KCTD16: variants seen among roughly 807,000 people sequenced by gnomAD.
KCTD16 encodes BTB/POZ domain-containing protein KCTD16.
In KCTD16, 13 loss-of-function variants were observed where a neutral mutation model predicts 33.2. The ratio of observed to expected loss-of-function variants is 0.39; its 90% CI spans 0.25 to 0.62. KCTD16 has a LOEUF of 0.62. KCTD16 is among the 20% of genes least tolerant of loss of function. The pLI, the probability that KCTD16 is intolerant of heterozygous loss-of-function variation, is 0.50. For missense variants in KCTD16, 441 were observed against 525.1 expected (o/e 0.84, Z 1.57); for synonymous variants, 197 against 195.3 (o/e 1.01, Z -0.07).
chr5:144,420,208 A>G (rs1753177582), intron 3 of KCTD16, among the ~76,000 whole-genome samples: 2 of 152,086 alleles, frequency 1.3e-5, no homozygotes, highest in South Asian at 4.2e-4. Context: ...TCTGTGCGTT[A>G]TAGGATAACT....
intron 3 of KCTD16, among the ~76,000 whole-genome samples, chr5:144,226,954 G>A (rs1290183930): frequency 4.6e-5 from 7 of 152,248 alleles, no homozygotes; most frequent in Middle Eastern, 3.4e-3. Flanking sequence ...AGGGTTTTAT[G>A]CATTATTAAT....
chr5:144,336,838 A>G (rs892629005), intron 3 of KCTD16, among the ~76,000 whole-genome samples: 2 of 151,950 alleles, frequency 1.3e-5, no homozygotes, highest in Non-Finnish European at 2.9e-5. Context: ...AAACCCACAC[A>G]TACTCCTACA....
chr5:144,347,796 A>G (rs1752845151), intron 3 of KCTD16, among the ~76,000 whole-genome samples: 1 of 152,090 alleles, frequency 6.6e-6, no homozygotes. Flanking sequence ...TGGGATGGCA[A>G]ACTTTCTCAT....
At chr5:144,299,134 ATATATATATATATATTTTTT>A (rs1561558727) in intron 3 of KCTD16, among the ~76,000 whole-genome samples, 5 of 29,786 alleles carry the variant, frequency 1.7e-4, no homozygotes, top group African/African-American at 1.1e-3. Context: ...ATATATATAT[ATATATATATATATATTTTTT>A]TTTTTTTTTT....
intron 3 of KCTD16, among the ~76,000 whole-genome samples, chr5:144,467,144 T>TTAAA (rs1391669011): frequency 6.8e-6 from 1 of 147,124 alleles, no homozygotes; most frequent in African/African-American, 2.5e-5. Context: ...GTAAAACACT[T>TTAAA]TAAAAGTTCT....
intron 3 of KCTD16, among the ~76,000 whole-genome samples, chr5:144,412,051 G>A (rs1480204994): frequency 6.6e-6 from 1 of 152,290 alleles, no homozygotes; most frequent in East Asian, 1.9e-4. Flanking sequence ...TGTGGGGAAA[G>A]GTGAATGCTT....
chr5:144,359,941 A>G (rs1277149368), intron 3 of KCTD16, among the ~76,000 whole-genome samples: 2 of 152,070 alleles, frequency 1.3e-5, no homozygotes, highest in African/African-American at 4.8e-5. Context: ...CAAATTCCTC[A>G]AAGGTGACAA....
chr5:144,408,248 C>G (rs887731349), intron 3 of KCTD16, among the ~76,000 whole-genome samples: 2 of 152,168 alleles, frequency 1.3e-5, no homozygotes, highest in Non-Finnish European at 2.9e-5. Flanking sequence ...AAGCCAGGAG[C>G]AGAAGGACTG....
intron 3 of KCTD16, among the ~76,000 whole-genome samples, chr5:144,278,311 T>C (rs542955231): frequency 6.6e-6 from 1 of 152,092 alleles, no homozygotes; most frequent in Non-Finnish European, 1.5e-5. Context: ...CAAAAAAATT[T>C]GTGTGTGTCT....
intron 3 of KCTD16, among the ~76,000 whole-genome samples, chr5:144,321,400 G>A (rs1262951200): frequency 3.3e-5 from 5 of 152,084 alleles, no homozygotes; most frequent in African/African-American, 1.2e-4. Context: ...AGCTCCCCAG[G>A]CAATTCTTAT....
chr5:144,190,242 A>G (rs1291114825), intron 2 of KCTD16, among the ~76,000 whole-genome samples: 1 of 152,116 alleles, frequency 6.6e-6, no homozygotes, highest in East Asian at 1.9e-4. Context: ...TCCATGACTT[A>G]TTTATCTCTG....
intron 3 of KCTD16, among the ~76,000 whole-genome samples, chr5:144,275,931 G>A (rs913855600): frequency 2.6e-5 from 4 of 152,088 alleles, no homozygotes; most frequent in Admixed American, 2.0e-4. Flanking sequence ...GACAAGGTTG[G>A]GTATTCTATC....
At chr5:144,404,827 A>G (rs1354799681) in intron 3 of KCTD16, among the ~76,000 whole-genome samples, 1 of 152,170 alleles carries the variant, frequency 6.6e-6, no homozygotes, top group Non-Finnish European at 1.5e-5. Context: ...TCATCTACAC[A>G]GGTGAACACA....
At chr5:144,350,888 A>G (rs1043243432) in intron 3 of KCTD16, among the ~76,000 whole-genome samples, 4 of 150,760 alleles carry the variant, frequency 2.7e-5, no homozygotes, top group African/African-American at 9.8e-5. Flanking sequence ...TTTTTTTTTA[A>G]CTAGAGAATT....
intron 3 of KCTD16, among the ~76,000 whole-genome samples, chr5:144,244,233 A>G (rs1297439858): frequency 1.3e-5 from 2 of 152,264 alleles, no homozygotes; most frequent in Middle Eastern, 3.4e-3. Flanking sequence ...ATGCTTCTAT[A>G]AAAAGAGATG....
chr5:144,449,366 C>G (rs1039004832), intron 3 of KCTD16, among the ~76,000 whole-genome samples: 1 of 151,890 alleles, frequency 6.6e-6, no homozygotes, highest in Non-Finnish European at 1.5e-5. Flanking sequence ...CCATCAAAAT[C>G]TCAATGGATT....
chr5:144,350,297 T>C lies in KCTD16; in HGVS notation c.833-123363T>C, dbSNP rs148278878. Among the ~76,000 whole-genome samples the C allele has an allele frequency of 2.2e-3, 340 of 152,124 alleles. 3 individuals carry two copies. The highest frequency in any genetic ancestry group is 7.8e-3 in the African/African-American group (324 of 41,484). The stretch of plus-strand genomic sequence containing the variant: ...ATTAATTACTTTCCAGGGCAGGGAG[T>C]CCAGAACTGCAAACACAAGGCCTGG... On this transcript the variant is annotated intron_variant, in intron 3 of 3. Transcript: ENST00000512467.
rs999745228 is a variant in KCTD16, at chr5:144,480,398, T to C, written c.*6284T>C. On this transcript the variant is annotated 3_prime_UTR_variant, in exon 4 of 4. Transcript: ENST00000512467. ...ACTAATTTCTGGGGAAAAATCAAAC[T>C]CATATCCATGTATATAGTGAAGAGT... The C allele has an allele frequency of 6.6e-6, 1 of 151,972 alleles. No individual in the cohort carries two copies. The highest frequency in any genetic ancestry group is 1.5e-5 in the Non-Finnish European group (1 of 67,938). The allele number at this position is 151,972 out of a possible 1,614,324, so 9.4% of individuals were successfully genotyped here.
chr5:144,235,383 C>T (rs752250440), intron 3 of KCTD16, among the ~76,000 whole-genome samples: 5 of 152,112 alleles, frequency 3.3e-5, no homozygotes, highest in Non-Finnish European at 7.4e-5. Context: ...AATGAGTTTG[C>T]TGAGCTCTTG....
Sources: allele counts gnomAD v4.1 joint callset (sites outside exome capture counted in the v4.1 genomes callset), GRCh38; gene constraint gnomAD v4.1.1; transcripts MANE v1.5; gene names NCBI Gene and HGNC (gene_info 2026-07-23, HGNC 2026-07-21).